The following PRDM16 variants were observed in gnomAD, a reference collection of about 807,000 sequenced individuals.
PRDM16 encodes histone-lysine N-methyltransferase PRDM16.
Under a neutral mutation model 110.6 loss-of-function variants are expected in PRDM16, and 23 were observed. That is an observed-to-expected ratio of 0.21 (90% CI 0.15 to 0.29). The LOEUF is 0.29. PRDM16 is among the 10% of genes least tolerant of loss of function. The pLI is 1.00. For missense variants in PRDM16, 1,615 were observed against 1,794.3 expected, an observed-to-expected ratio of 0.90 and a Z score of 1.81; for synonymous variants, 799 against 781.8, an observed-to-expected ratio of 1.02 and a Z score of -0.37.
chr1:3,324,392 T>C (rs1446007363), intron 3 of PRDM16, among the ~76,000 whole-genome samples: 1 of 152,044 alleles, frequency 6.6e-6, no homozygotes, highest in African/African-American at 2.4e-5. Context: ...CTAAACCCTA[T>C]AGCCACTCCC....
intron 8 of PRDM16, among the ~76,000 whole-genome samples, chr1:3,406,138 GC>G (rs1266566703): frequency 6.6e-6 from 1 of 152,174 alleles, no homozygotes; most frequent in Non-Finnish European, 1.5e-5. Flanking sequence ...CAGTGCGGGG[GC>G]CAGCCCTGAA....
chr1:3,086,126 C>CCCTG (rs1642145405), intron 1 of PRDM16, among the ~76,000 whole-genome samples: 1 of 35,718 alleles, frequency 2.8e-5, no homozygotes, highest in Admixed American at 3.3e-4. Context: ...CCTGCAAGGT[C>CCCTG]TCTGTCTACA....
At chr1:3,203,334 A>T (rs566755649) in intron 2 of PRDM16, among the ~76,000 whole-genome samples, 38 of 152,300 alleles carry the variant, frequency 2.5e-4, no homozygotes, top group African/African-American at 8.9e-4. Context: ...TTGAGTTCTC[A>T]TTCTATGTTT....
chr1:3,207,472 A>T (rs1305724744), intron 2 of PRDM16: 7 of 152,252 alleles, frequency 4.6e-5, no homozygotes, highest in Non-Finnish European at 8.8e-5. Flanking sequence ...GGCGTGATAC[A>T]GGAGACAATG....
intron 1 of PRDM16, among the ~76,000 whole-genome samples, chr1:3,150,870 CG>C (rs891535747): frequency 4.5e-5 from 5 of 110,610 alleles, no homozygotes; most frequent in Admixed American, 9.2e-5. Flanking sequence ...CGGGTGGGGG[CG>C]GGGGGGCTGG....
intron 2 of PRDM16, among the ~76,000 whole-genome samples, chr1:3,195,246 G>T (rs796558058): frequency 2.5e-4 from 38 of 152,310 alleles, no homozygotes; most frequent in African/African-American, 9.1e-4. Context: ...CACAGCACAG[G>T]CTTCCCATGT....
At chr1:3,267,948 T>C (rs557492126) in intron 3 of PRDM16, among the ~76,000 whole-genome samples, 1 of 152,178 alleles carries the variant, frequency 6.6e-6, no homozygotes, top group East Asian at 1.9e-4. Context: ...CCCTGTTGTT[T>C]TGGCTTTGTT....
chr1:3,354,923 G>T (rs1437269421), intron 3 of PRDM16, among the ~76,000 whole-genome samples: 1 of 152,196 alleles, frequency 6.6e-6, no homozygotes, highest in Non-Finnish European at 1.5e-5. Context: ...ACCTGGCCAG[G>T]TCTGCACCTG....
intron 1 of PRDM16, among the ~76,000 whole-genome samples, chr1:3,123,413 A>T (rs1436179757): frequency 1.3e-5 from 2 of 152,196 alleles, no homozygotes; most frequent in African/African-American, 2.4e-5. Context: ...GGTGGCTGAG[A>T]TCAATGCCCA....
At chr1:3,309,512 T>C (rs771656779) in intron 3 of PRDM16, 1 of 152,378 alleles carries the variant, frequency 6.6e-6, no homozygotes, top group East Asian at 1.9e-4. Flanking sequence ...TCTGTGGCAC[T>C]GGACAATGCT....
chr1:3,069,540 C>T lies in PRDM16; in HGVS notation c.37+244C>T, dbSNP rs1240868255. ...GGCGCCGGCCCCCTCCCCGCGGAACCCCCTCCCCCCCCACCAGTGTCAGGC... is the reference window on the plus strand; with the variant it reads ...GGCGCCGGCCCCCTCCCCGCGGAACTCCCTCCCCCCCCACCAGTGTCAGGC... On this transcript the variant is annotated intron_variant, in intron 1 of 16. Transcript: ENST00000270722. The surrounding 1 kb of genome is among the most constrained non-coding windows in gnomAD (Gnocchi z 6.1). 4.0e-5 allele frequency among the ~76,000 whole-genome samples: 6 copies of T among 148,666 alleles called. No individual in the cohort carries two copies. The highest frequency in any genetic ancestry group is 9.0e-5 in the Non-Finnish European group (6 of 66,344).
chr1:3,197,585 C>G (rs1439460148), intron 2 of PRDM16, among the ~76,000 whole-genome samples: 1 of 152,272 alleles, frequency 6.6e-6, no homozygotes, highest in Non-Finnish European at 1.5e-5. Context: ...CAGGAAGCAA[C>G]TGGACCACTA....
chr1:3,142,291 C>T (rs934231854), intron 1 of PRDM16, among the ~76,000 whole-genome samples: 3 of 152,228 alleles, frequency 2.0e-5, no homozygotes, highest in African/African-American at 2.4e-5. Flanking sequence ...TTTGCAAAAT[C>T]GAGTGAAAAC....
At position 3,248,133 on chromosome 1, in the gene PRDM16, C is replaced by G. The variant is rs151144424; in HGVS notation, c.438+3996C>G. ...GCTCAATGGCCATCTTATCAAAATC[C>G]AATAGGATAGACATTTGGCAAAAGG... On this transcript the variant is annotated intron_variant, in intron 3 of 16. Coordinates refer to ENST00000270722, the MANE Select transcript of PRDM16 (RefSeq NM_022114.4). Among the ~76,000 whole-genome samples the G allele has an allele frequency of 6.6e-5, 10 of 152,330 alleles. No individual in the cohort carries two copies. The East Asian group carries it at 1.9e-3, about 29-fold the overall frequency.
At chr1:3,147,001 T>TGTGCGGGGTGTGCGCACGTGTGTGCTC (rs1557483454) in intron 1 of PRDM16, among the ~76,000 whole-genome samples, 1 of 66,690 alleles carries the variant, frequency 1.5e-5, no homozygotes, top group African/African-American at 6.2e-5. Context: ...TGTGTGTGCT[T>TGTGCGGGGTGTGCGCACGTGTGTGCTC]GGTGTGGGGG....
At chr1:3,386,140 C>G (rs1643191919) in intron 4 of PRDM16, among the ~76,000 whole-genome samples, 1 of 126,832 alleles carries the variant, frequency 7.9e-6, no homozygotes, top group Non-Finnish European at 1.7e-5. Flanking sequence ...ACCGTGCGTT[C>G]CTCGGGGTGC....
chr1:3,116,666 C>G (rs1642969387), intron 1 of PRDM16, among the ~76,000 whole-genome samples: 2 of 152,194 alleles, frequency 1.3e-5, no homozygotes, highest in South Asian at 4.2e-4. Context: ...CACTGCGGGT[C>G]TATGCCCGAG....
intron 10 of PRDM16, among the ~76,000 whole-genome samples, chr1:3,417,409 A>C (rs1338754419): frequency 6.6e-6 from 1 of 152,204 alleles, no homozygotes; most frequent in East Asian, 1.9e-4. Context: ...AACTAGATGT[A>C]ATTCTGCATT....
intron 3 of PRDM16, among the ~76,000 whole-genome samples, chr1:3,263,804 C>A (rs1042780002): frequency 4.6e-5 from 7 of 152,334 alleles, no homozygotes; most frequent in Admixed American, 1.3e-4. Flanking sequence ...GCCTTTGCCA[C>A]CCATTAGAAA....
Sources: allele counts gnomAD v4.1 joint callset (sites outside exome capture counted in the v4.1 genomes callset), GRCh38; gene constraint gnomAD v4.1.1; non-coding constraint Gnocchi (gnomAD v3.1); transcripts MANE v1.5; gene names NCBI Gene and HGNC (gene_info 2026-07-23, HGNC 2026-07-21).